SERINC1: variants seen among roughly 807,000 people sequenced by gnomAD.
SERINC1 encodes the protein serine incorporator 1.
In SERINC1, 38 loss-of-function variants were observed where a neutral mutation model predicts 52.9. The observed-to-expected ratio is 0.72, with a 90% confidence interval of 0.55 to 0.94. The LOEUF (loss-of-function observed/expected upper bound fraction) is 0.94. Among genes scored for constraint, SERINC1 ranks in the 40% least tolerant of loss-of-function variants. The probability of loss-of-function intolerance (pLI) is 0.00; values close to 1 mark genes in which losing one functional copy is unlikely to be tolerated. For synonymous variants in SERINC1, 198 were observed against 183.1 expected (o/e 1.08, Z -0.66); for missense variants, 471 against 533.9 (o/e 0.88, Z 1.16).
chr6:122,453,817 G>C lies in SERINC1; in HGVS notation c.542C>G (p.Ser181Trp). ...CCCTTCTTCCATTTTTTCAACCCAC[G>C]ATTCATTCCATGAATGTGCAAAATC... ...LIDFAHSWNE[S>W]WVEKMEEGNS... Residue 181 changes from serine (S) to tryptophan (W), a missense_variant, in exon 5 of 10, where the codon TCG (serine) becomes TGG (tryptophan). Ser to Trp is a radical substitution (Grantham distance 177). Transcript: ENST00000339697. The C allele has an allele frequency of 6.2e-7, 1 of 1,607,660 alleles. No individual in the cohort carries two copies. The highest frequency in any genetic ancestry group is 8.5e-7 in the Non-Finnish European group (1 of 1,175,810).
intron 7 of SERINC1, among the ~76,000 whole-genome samples, chr6:122,449,693 C>T (rs1187811010): frequency 6.6e-6 from 1 of 152,126 alleles, no homozygotes; most frequent in Non-Finnish European, 1.5e-5. Context: ...AGCAAGTCAT[C>T]CTAAAAATCT....
chr6:122,447,900 G>A (rs980808154), intron 7 of SERINC1, among the ~76,000 whole-genome samples: 2 of 152,058 alleles, frequency 1.3e-5, no homozygotes, highest in Non-Finnish European at 2.9e-5. Flanking sequence ...CGGATCACAA[G>A]GTCAAGAGAT....
Position 122,446,996 on chromosome 6 carries a change from G to GTACGGATGCTGTATGAAA in SERINC1, c.996-10_1003dup (p.Arg334_Thr335insIleSerTyrSerIleArg). ...TTTATTAACCTGACTATTGTTTGAA[G>GTACGGATGCTGTATGAAA]TACGGATGCTGTATGAAAGAGAGTT... is the stretch of plus-strand genomic sequence containing the variant. On this transcript the variant is annotated inframe_insertion, in exon 9 of 10. Transcript: ENST00000339697. 1 of 1,606,416 alleles carries GTACGGATGCTGTATGAAA rather than the reference G, an allele frequency of 6.2e-7. No individual in the cohort carries two copies. The highest frequency in any genetic ancestry group is 8.5e-7 in the Non-Finnish European group (1 of 1,173,098).
intron 2 of SERINC1, among the ~76,000 whole-genome samples, chr6:122,457,532 G>A (rs1441416310): frequency 6.6e-6 from 1 of 152,158 alleles, no homozygotes; most frequent in African/African-American, 2.4e-5. Flanking sequence ...GTGGGAGATA[G>A]GGCCTTTATG....
chr6:122,449,801 G>A (rs1038670447), intron 7 of SERINC1, among the ~76,000 whole-genome samples: 1 of 152,152 alleles, frequency 6.6e-6, no homozygotes, highest in Non-Finnish European at 1.5e-5. Context: ...TGGATCACCT[G>A]AGGTCAGGAG....
At chr6:122,452,306 T>C (rs912012941) in intron 5 of SERINC1, among the ~76,000 whole-genome samples, 2 of 152,152 alleles carry the variant, frequency 1.3e-5, no homozygotes, top group African/African-American at 2.4e-5. Context: ...AAGAAACTAA[T>C]AGGATTTAAT....
At chr6:122,457,098 A>G (rs1293525744) in intron 2 of SERINC1, among the ~76,000 whole-genome samples, 3 of 152,158 alleles carry the variant, frequency 2.0e-5, no homozygotes, top group African/African-American at 7.2e-5. Context: ...CCAGGATACT[A>G]GTCATGTACT....
At chr6:122,448,413 G>A (rs1386725348) in intron 7 of SERINC1, among the ~76,000 whole-genome samples, 1 of 152,130 alleles carries the variant, frequency 6.6e-6, no homozygotes, top group Non-Finnish European at 1.5e-5. Flanking sequence ...TAAACTCAAT[G>A]AGATTCATAT....
intron 1 of SERINC1, among the ~76,000 whole-genome samples, chr6:122,470,369 A>G (rs184703452): frequency 2.6e-4 from 40 of 152,334 alleles, no homozygotes; most frequent in African/African-American, 8.9e-4. Flanking sequence ...TTAAATCTCT[A>G]TTATATACAA....
chr6:122,446,421 A>G (rs970062471), intron 9 of SERINC1, among the ~76,000 whole-genome samples: 4 of 152,146 alleles, frequency 2.6e-5, no homozygotes, highest in African/African-American at 9.7e-5. Context: ...GCTTTTAATG[A>G]CAGTTCAAAC....
rs1774713138 is a variant in SERINC1 at position 122,443,968 on chromosome 6, C to T, written c.*1076G>A. 3 of 152,000 alleles carry T rather than the reference C, an allele frequency of 2.0e-5. No individual in the cohort carries two copies. In the South Asian group the frequency reaches 6.2e-4, roughly 32 times the overall value. 9.4% of individuals were successfully genotyped at this position (152,000 alleles called of 1,614,324 possible). On this transcript the variant is annotated 3_prime_UTR_variant, in exon 10 of 10. Transcript: ENST00000339697. Reference sequence around the variant, plus strand: ...AAGCCTAGTGTTTTGCAGTTACTTCCTTCCCTGTCAAAATTTTGCCTCCTT... The same window carrying T: ...AAGCCTAGTGTTTTGCAGTTACTTCTTTCCCTGTCAAAATTTTGCCTCCTT...
In SERINC1 at chr6:122,451,756, T is replaced by TAAAAAAAA; in HGVS notation, c.760-3_760-2insTTTTTTTT. On this transcript the variant is annotated splice_region_variant and splice_polypyrimidine_tract_variant and intron_variant, in intron 6 of 9. Coordinates refer to ENST00000339697, the MANE Select transcript of SERINC1 (RefSeq NM_020755.4). ...CAAACCAGATCTTGGTTGTGATTCCTACAAAAAAAAAAAAAAAAAAATATA... is the reference window on the plus strand; with the variant it reads ...CAAACCAGATCTTGGTTGTGATTCCTAAAAAAAAACAAAAAAAAAAAAAAAAAAATATA... The TAAAAAAAA allele has an allele frequency of 1.0e-5, 1 of 96,514 alleles. No individual in the cohort carries two copies. The highest frequency in any genetic ancestry group is 1.4e-5 in the Non-Finnish European group (1 of 71,352). 6.0% of individuals were successfully genotyped at this position (96,514 alleles called of 1,614,324 possible). A position where few individuals can be genotyped will look rare whatever the true frequency, so the allele number is the denominator to read the frequency against.
intron 5 of SERINC1, among the ~76,000 whole-genome samples, chr6:122,452,783 A>ACAAG (rs2114479296): frequency 6.6e-6 from 1 of 152,304 alleles, no homozygotes; most frequent in African/African-American, 2.4e-5. Flanking sequence ...CATTTAGAGA[A>ACAAG]CAAGGTATTC....
chr6:122,471,790 T>C lies in SERINC1; in HGVS notation c.-53A>G, dbSNP rs1471581300. On this transcript the variant is annotated 5_prime_UTR_variant, in exon 1 of 10. Coordinates refer to ENST00000339697, the MANE Select transcript of SERINC1 (RefSeq NM_020755.4). Reference sequence around the variant, plus strand: ...ACAGACAAGATGGAGACAGCTTCTTTCTCGCCTTTCCGAGATTATTTACTA... The same window carrying C: ...ACAGACAAGATGGAGACAGCTTCTTCCTCGCCTTTCCGAGATTATTTACTA... The C allele has an allele frequency of 7.4e-6, 12 of 1,612,422 alleles. No homozygotes were observed. The highest frequency in any genetic ancestry group is 3.3e-5 in the South Asian group (3 of 91,034).
rs1774948074 is a variant in SERINC1, at chr6:122,453,624, A to G, written c.589+146T>C. On this transcript the variant is annotated intron_variant, in intron 5 of 9. Transcript: ENST00000339697. ...CTCACCAAGTTGCTGATACAATGTG[A>G]TATTTTGACACTCACAAAGTTTAAA... 8 of 538,950 alleles carry G rather than the reference A, an allele frequency of 1.5e-5. No homozygotes were observed. In the South Asian group the frequency reaches 3.7e-4, roughly 25 times the overall value. The allele number at this position is 538,950 out of a possible 1,614,324, so 33.4% of individuals were successfully genotyped here.
At chr6:122,447,741 A>C (rs1322601966) in intron 7 of SERINC1, among the ~76,000 whole-genome samples, 1 of 152,212 alleles carries the variant, frequency 6.6e-6, no homozygotes, top group African/African-American at 2.4e-5. Context: ...AACCAGTTAT[A>C]AGGACTCCAG....
intron 1 of SERINC1, among the ~76,000 whole-genome samples, chr6:122,464,317 AAGG>A (rs1293402029): frequency 1.3e-5 from 2 of 152,234 alleles, no homozygotes; most frequent in African/African-American, 4.8e-5. Flanking sequence ...AAATGAATTA[AAGG>A]ATATTCACAG....
intron 7 of SERINC1, among the ~76,000 whole-genome samples, chr6:122,451,127 C>T (rs1158128672): frequency 1.3e-5 from 2 of 152,116 alleles, no homozygotes; most frequent in African/African-American, 4.8e-5. Context: ...GGGCAAACTT[C>T]ATTGTGGTCT....
chr6:122,448,450 G>A (rs1774845882), intron 7 of SERINC1, among the ~76,000 whole-genome samples: 1 of 152,066 alleles, frequency 6.6e-6, no homozygotes, highest in Non-Finnish European at 1.5e-5. Context: ...TTTAGGAAAA[G>A]AGATCATTTT....
Sources: allele counts gnomAD v4.1 joint callset (sites outside exome capture counted in the v4.1 genomes callset), GRCh38; gene constraint gnomAD v4.1.1; transcripts MANE v1.5; gene names NCBI Gene and HGNC (gene_info 2026-07-23, HGNC 2026-07-21).